TNKS: variants seen among roughly 807,000 people sequenced by gnomAD.
The protein encoded by TNKS is tankyrase.
In TNKS, 72 loss-of-function variants were observed where a neutral mutation model predicts 135.8. That is an observed-to-expected ratio of 0.53 (90% CI 0.44 to 0.64). The LOEUF (loss-of-function observed/expected upper bound fraction) is 0.64, where lower values mean the gene tolerates loss of function less well. Among genes scored for constraint, TNKS ranks in the 30% least tolerant of loss-of-function variants. TNKS has a pLI of 0.00. For missense variants in TNKS, 1,769 were observed against 1,674.0 expected, an observed-to-expected ratio of 1.06 and a Z score of -0.99; for synonymous variants, 849 against 649.3, an observed-to-expected ratio of 1.31 and a Z score of -4.68.
chr8:9,648,800 C>G lies in TNKS; in HGVS notation c.995-31151C>G, dbSNP rs183567130. Among the ~76,000 whole-genome samples the G allele has an allele frequency of 6.6e-5, 10 of 152,292 alleles. No individual in the cohort carries two copies. In the East Asian group the frequency reaches 7.7e-4, roughly 12 times the overall value. On this transcript the variant is annotated intron_variant, in intron 3 of 26. Coordinates refer to ENST00000310430, the MANE Select transcript of TNKS (RefSeq NM_003747.3). ...CACATGACTGTACCTGTTCCCCTCA[C>G]TTTCCCATTCTTAGAGTCACATACC... is the stretch of plus-strand genomic sequence containing the variant.
At chr8:9,679,631 G>A (rs1802686663) in intron 3 of TNKS, 1 of 267,676 alleles carries the variant, frequency 3.7e-6, no homozygotes, top group Non-Finnish European at 7.2e-6. Flanking sequence ...AGAAAAGGGG[G>A]GAGGGGACAT....
chr8:9,695,853 C>T (rs1027113764), intron 5 of TNKS, among the ~76,000 whole-genome samples: 3 of 152,218 alleles, frequency 2.0e-5, no homozygotes, highest in African/African-American at 7.2e-5. Flanking sequence ...AAGAAAGACT[C>T]CCAAAGTTTT....
chr8:9,778,793 T>C lies in TNKS; in HGVS notation c.*2057T>C, dbSNP rs1032897465. On this transcript the variant is annotated 3_prime_UTR_variant, in exon 27 of 27. Coordinates refer to ENST00000310430, the MANE Select transcript of TNKS (RefSeq NM_003747.3). The stretch of plus-strand genomic sequence containing the variant: ...TACTTACCTTCCCCCAGACGTAGTT[T>C]AAAATGGTAAACACAGCTGTGATTT... The C allele has an allele frequency of 4.6e-5, 7 of 152,208 alleles. No individual in the cohort carries two copies. The South Asian group carries it at 8.3e-4, about 18-fold the overall frequency. 9.4% of individuals were successfully genotyped at this position (152,208 alleles called of 1,614,324 possible).
chr8:9,608,097 C>A (rs192184677), intron 2 of TNKS, among the ~76,000 whole-genome samples: 10 of 152,182 alleles, frequency 6.6e-5, no homozygotes, highest in Middle Eastern at 3.4e-3. Flanking sequence ...CGTGCCATCA[C>A]GCCTGGCTCA....
chr8:9,722,920 G>T (rs1804964335), intron 12 of TNKS, among the ~76,000 whole-genome samples: 1 of 150,584 alleles, frequency 6.6e-6, no homozygotes, highest in African/African-American at 2.4e-5. Context: ...ACTGAATGCA[G>T]TTAGAATATA....
chr8:9,625,240 T>G (rs1345833841), intron 3 of TNKS, among the ~76,000 whole-genome samples: 1 of 152,088 alleles, frequency 6.6e-6, no homozygotes, highest in African/African-American at 2.4e-5. Context: ...TATCAGATAT[T>G]TGGTGCCTGC....
chr8:9,772,809 T>TTGTGTGTGTGTGTGTGTGTGTG (rs368113364), intron 26 of TNKS, among the ~76,000 whole-genome samples: 3 of 86,588 alleles, frequency 3.5e-5, no homozygotes, highest in African/African-American at 1.3e-4. Context: ...GTGTGTGTGT[T>TTGTGTGTGTGTGTGTGTGTGTG]TGTGTGTGTG....
At position 9,567,517 on chromosome 8, in the gene TNKS, G is replaced by C. The variant is rs376395406; in HGVS notation, c.673+10905G>C. Among the ~76,000 whole-genome samples the C allele has an allele frequency of 5.3e-5, 8 of 152,304 alleles. No individual in the cohort carries two copies. The East Asian group carries it at 9.6e-4, about 18-fold the overall frequency. ...TGCAAGCTCTGCCTCCCGGGTTCAC[G>C]CCATTCTCCTGCCTCAGCCTCCCGA... On this transcript the variant is annotated intron_variant, in intron 1 of 26. Coordinates refer to ENST00000310430, the MANE Select transcript of TNKS (RefSeq NM_003747.3).
intron 2 of TNKS, among the ~76,000 whole-genome samples, chr8:9,612,485 C>A (rs1467881721): frequency 6.6e-6 from 1 of 152,052 alleles, no homozygotes; most frequent in South Asian, 2.1e-4. Context: ...CAAAATGGTC[C>A]GTAGGCCAAA....
At chr8:9,763,957 C>G (rs1433211298) in intron 22 of TNKS, among the ~76,000 whole-genome samples, 2 of 152,140 alleles carry the variant, frequency 1.3e-5, no homozygotes, top group Admixed American at 6.5e-5. Flanking sequence ...ATAGGGAACT[C>G]AGGACCATGA....
At chr8:9,569,657 A>G (rs557784067) in intron 1 of TNKS, among the ~76,000 whole-genome samples, 8 of 152,318 alleles carry the variant, frequency 5.3e-5, no homozygotes, top group African/African-American at 1.9e-4. Context: ...CACGTCTGTA[A>G]ACGTCAACAT....
At chr8:9,736,478 C>T (rs935900864) in intron 17 of TNKS, among the ~76,000 whole-genome samples, 7 of 151,938 alleles carry the variant, frequency 4.6e-5, no homozygotes, top group Non-Finnish European at 8.8e-5. Context: ...TCCTTGCCCA[C>T]GCCTATGTCC....
Position 9,642,744 on chromosome 8 carries a change from T to C in TNKS, c.994+27067T>C, listed in dbSNP as rs1800771012. ...CTCTTAAAGTGAGTAATTGGACGTTTAGTAAAAACATGACACCTCTTTTAA... is the reference window on the plus strand; with the variant it reads ...CTCTTAAAGTGAGTAATTGGACGTTCAGTAAAAACATGACACCTCTTTTAA... On this transcript the variant is annotated intron_variant, in intron 3 of 26. Transcript: ENST00000310430. 1.4e-5 allele frequency among the ~76,000 whole-genome samples: 2 copies of C among 146,022 alleles called. 1 individual carries two copies. The highest frequency in any genetic ancestry group is 3.0e-5 in the Non-Finnish European group (2 of 66,626).
intron 3 of TNKS, among the ~76,000 whole-genome samples, chr8:9,631,069 G>T (rs937213681): frequency 1.3e-5 from 2 of 152,070 alleles, no homozygotes; most frequent in Non-Finnish European, 2.9e-5. Flanking sequence ...TCTCTCACAA[G>T]GCTGCTTTTT....
intron 3 of TNKS, chr8:9,670,789 T>A (rs1218916770): frequency 6.6e-6 from 1 of 152,250 alleles, no homozygotes; most frequent in Non-Finnish European, 1.5e-5. Flanking sequence ...CTTGCTATGA[T>A]GTAAGACACT....
At chr8:9,748,282 C>A in intron 18 of TNKS, 70 bp downstream of exon 18, 1 of 1,274,922 alleles carries the variant, frequency 7.8e-7, no homozygotes, top group Non-Finnish European at 1.0e-6. Context: ...TTCTCGGGTT[C>A]ACCAGCTTAC....
At chr8:9,771,541 G>A (rs1458469542) in intron 26 of TNKS, among the ~76,000 whole-genome samples, 2 of 139,508 alleles carry the variant, frequency 1.4e-5, no homozygotes, top group Admixed American at 1.4e-4. Flanking sequence ...GAGAAAGACT[G>A]AGAGAGGAAG....
intron 3 of TNKS, among the ~76,000 whole-genome samples, chr8:9,632,519 T>G (rs150401643): frequency 0.024 from 3,596 of 152,266 alleles, 67 homozygotes; most frequent in Non-Finnish European, 0.036. Context: ...TTTCTTCGCT[T>G]TTGACCTTTC....
At chr8:9,654,072 A>T (rs1010867793) in intron 3 of TNKS, among the ~76,000 whole-genome samples, 6 of 152,222 alleles carry the variant, frequency 3.9e-5, no homozygotes, top group Non-Finnish European at 2.9e-5. Flanking sequence ...TTCAAGGAAC[A>T]ATTCTGAGCT....
Sources: allele counts gnomAD v4.1 joint callset (sites outside exome capture counted in the v4.1 genomes callset), GRCh38; gene constraint gnomAD v4.1.1; transcripts MANE v1.5; gene names NCBI Gene and HGNC (gene_info 2026-07-23, HGNC 2026-07-21).